The following MRC2 variants were observed in gnomAD, a reference collection of about 807,000 sequenced individuals.
MRC2 encodes C-type mannose receptor 2.
A neutral mutation model predicts 206.2 loss-of-function variants in MRC2; 84 were observed. That is an observed-to-expected ratio of 0.41 (90% CI 0.34 to 0.49). The LOEUF is 0.49. MRC2 is among the 20% of genes least tolerant of loss of function. The pLI is 0.31. For missense variants in MRC2, 1,676 were observed against 2,001.5 expected (o/e 0.84, Z 3.10); for synonymous variants, 798 against 800.0 (o/e 1.00, Z 0.04).
At chr17:62,673,237 GAGAC>G (rs1310264058) in intron 8 of MRC2, among the ~76,000 whole-genome samples, 1 of 152,174 alleles carries the variant, frequency 6.6e-6, no homozygotes, top group African/African-American at 2.4e-5. Flanking sequence ...ATGGAGCTTA[GAGAC>G]AGACATACTG....
At position 62,677,291 on chromosome 17, in the gene MRC2, G is replaced by A; in HGVS notation, c.1857G>A (p.Val619=). The A allele has an allele frequency of 1.2e-6, 2 of 1,604,196 alleles. No individual in the cohort carries two copies. The highest frequency in any genetic ancestry group is 1.7e-6 in the Non-Finnish European group (2 of 1,175,932). Residue 619 remains valine (V), a synonymous_variant, in exon 12 of 30, where the codon GTG becomes GTA. Coordinates refer to ENST00000303375, the MANE Select transcript of MRC2 (RefSeq NM_006039.5). ...DQPGYSRGGC[V]ALATGSAMGL... ...CAGGGTACAGCCGTGGGGGCTGCGTGGCGCTGGCCACTGGCAGCGCCATGG... is the reference window on the plus strand; with the variant it reads ...CAGGGTACAGCCGTGGGGGCTGCGTAGCGCTGGCCACTGGCAGCGCCATGG...
In MRC2 at chr17:62,666,882, G is replaced by A. The variant is rs781373094; in HGVS notation, c.973+12G>A. ...CAACTGGGAGAGTGGTGAGGCACAAGGTTGGGGGCGCAGGGCAGCATAGGG... is the reference window on the plus strand; with the variant it reads ...CAACTGGGAGAGTGGTGAGGCACAAAGTTGGGGGCGCAGGGCAGCATAGGG... On this transcript the variant is annotated intron_variant, in intron 5 of 29. Coordinates refer to ENST00000303375, the MANE Select transcript of MRC2 (RefSeq NM_006039.5). The surrounding 1 kb of genome is among the most constrained non-coding windows in gnomAD (Gnocchi z 5.0). 9.9e-6 allele frequency: 16 copies of A among 1,611,462 alleles called. No homozygotes were observed. In the East Asian group the frequency reaches 2.7e-4, roughly 27 times the overall value.
intron 1 of MRC2, among the ~76,000 whole-genome samples, chr17:62,628,385 G>T (rs1394255497): frequency 1.3e-5 from 2 of 152,138 alleles, no homozygotes; most frequent in African/African-American, 2.4e-5. Context: ...AACTATCCGC[G>T]AGGGTTCGTT....
Position 62,678,667 on chromosome 17 carries a change from G to A in MRC2, c.2195+21G>A, listed in dbSNP as rs779103338. ...TTCGGGTACTGAGCCGGGCTGAGGCGTGTTAGGAGGGCACCCGCACACGTG... is the reference window on the plus strand; with the variant it reads ...TTCGGGTACTGAGCCGGGCTGAGGCATGTTAGGAGGGCACCCGCACACGTG... On this transcript the variant is annotated intron_variant, in intron 13 of 29. Coordinates refer to ENST00000303375, the MANE Select transcript of MRC2 (RefSeq NM_006039.5). 13 of 1,601,162 alleles carry A rather than the reference G, an allele frequency of 8.1e-6. No individual in the cohort carries two copies. In the Middle Eastern group the frequency reaches 6.6e-4, roughly 82 times the overall value.
At chr17:62,644,445 C>T (rs527579969) in intron 1 of MRC2, among the ~76,000 whole-genome samples, 2 of 152,124 alleles carry the variant, frequency 1.3e-5, no homozygotes, top group Non-Finnish European at 2.9e-5. Context: ...TGTCTGGAGG[C>T]GGGATGCCGT....
At chr17:62,655,984 G>A (rs1196336600) in intron 1 of MRC2, among the ~76,000 whole-genome samples, 1 of 152,012 alleles carries the variant, frequency 6.6e-6, no homozygotes, top group African/African-American at 2.4e-5. Flanking sequence ...CAGACTCCTC[G>A]GCTCAGTTAT....
At chr17:62,646,596 G>A (rs2088489004) in intron 1 of MRC2, among the ~76,000 whole-genome samples, 5 of 152,238 alleles carry the variant, frequency 3.3e-5, no homozygotes, top group African/African-American at 9.6e-5. Context: ...TCATGCCTCT[G>A]AAGGCACCCA....
intron 1 of MRC2, among the ~76,000 whole-genome samples, chr17:62,654,166 G>T (rs908898392): frequency 6.6e-6 from 1 of 152,148 alleles, no homozygotes; most frequent in African/African-American, 2.4e-5. Context: ...GGGCAGTGAA[G>T]GGAGAGAGGC....
In MRC2 at chr17:62,633,907, A is replaced by G. The variant is rs565322416; in HGVS notation, c.118+5987A>G. Among the ~76,000 whole-genome samples the G allele has an allele frequency of 1.2e-3, 184 of 150,000 alleles. 1 individual carries two copies. The highest frequency in any genetic ancestry group is 4.4e-3 in the African/African-American group (179 of 40,660). On this transcript the variant is annotated intron_variant, in intron 1 of 29. Transcript: ENST00000303375. ...ATCCTAACTACAGCTGTCACCAGAA[A>G]GGAGGTCCAATCCAGACCCCAAGAG... is the stretch of plus-strand genomic sequence containing the variant.
chr17:62,635,445 G>A (rs1371430465), intron 1 of MRC2, among the ~76,000 whole-genome samples: 2 of 152,018 alleles, frequency 1.3e-5, no homozygotes, highest in Admixed American at 6.6e-5. Context: ...AGGATAAGGA[G>A]CTTCCTGGGA....
At position 62,680,828 on chromosome 17, in the gene MRC2, G is replaced by A. The variant is rs753357892; in HGVS notation, c.2502G>A (p.Glu834=). 5.1e-5 allele frequency: 82 copies of A among 1,612,338 alleles called. No homozygotes were observed. Among genetic ancestry groups the A allele is most frequent in the Non-Finnish European group, 6.4e-5 (76 of 1,179,656 alleles). Residue 834 remains glutamate (E), a synonymous_variant, in exon 17 of 30, where the codon GAG becomes GAA. Coordinates refer to ENST00000303375, the MANE Select transcript of MRC2 (RefSeq NM_006039.5). This position sits in a 1 kb window ranked among gnomAD's most constrained non-coding sequence, Gnocchi z 4.8. ...QGRREWLRFQ[E]AEYKFFEHHS... ...GACGGGAATGGCTGCGCTTCCAGGA[G>A]GCCGAGTACAAGTTCTTTGAGCACC...
chr17:62,663,775 G>C (rs2088708451), intron 1 of MRC2, among the ~76,000 whole-genome samples: 2 of 152,168 alleles, frequency 1.3e-5, no homozygotes, highest in Non-Finnish European at 2.9e-5. Flanking sequence ...CAGTGCAAGG[G>C]GCAGGGGGAA....
At chr17:62,653,740 G>A (rs528566252) in intron 1 of MRC2, among the ~76,000 whole-genome samples, 1 of 152,196 alleles carries the variant, frequency 6.6e-6, no homozygotes, top group African/African-American at 2.4e-5. Flanking sequence ...GGGGCTGTTG[G>A]GGAGGAGGGA....
At chr17:62,662,742 T>G (rs1598981126) in intron 1 of MRC2, among the ~76,000 whole-genome samples, 1 of 151,916 alleles carries the variant, frequency 6.6e-6, no homozygotes, top group South Asian at 2.1e-4. Context: ...AAATCTCATC[T>G]CTACTAAAAA....
At position 62,666,626 on chromosome 17, in the gene MRC2, C is replaced by T; in HGVS notation, c.859+7C>T. ...GAGCAGACCTACATCAACGGTGAGC[C>T]GGGGCCTGATGCCTGCTCGTGCCTC... is the stretch of plus-strand genomic sequence containing the variant. On this transcript the variant is annotated splice_region_variant and intron_variant, in intron 4 of 29. Transcript: ENST00000303375. The surrounding 1 kb of genome is among the most constrained non-coding windows in gnomAD (Gnocchi z 5.0). 1 of 1,487,738 alleles carries T rather than the reference C, an allele frequency of 6.7e-7. No individual in the cohort carries two copies. Among genetic ancestry groups the T allele is most frequent in the Non-Finnish European group, 9.0e-7 (1 of 1,106,856 alleles). 92.2% of individuals were successfully genotyped at this position (1,487,738 alleles called of 1,614,324 possible). A position where few individuals can be genotyped will look rare whatever the true frequency, so the allele number is the denominator to read the frequency against.
intron 28 of MRC2, among the ~76,000 whole-genome samples, 189 bp downstream of exon 28, chr17:62,691,317 A>G (rs79420957): frequency 0.033 from 4,994 of 152,284 alleles, 263 homozygotes; most frequent in African/African-American, 0.11. Context: ...GAAACTTATC[A>G]TCCAAACTAG....
chr17:62,683,376 G>A (rs1043706340), intron 20 of MRC2, among the ~76,000 whole-genome samples: 5 of 151,880 alleles, frequency 3.3e-5, no homozygotes, highest in African/African-American at 9.7e-5. Context: ...GATGAGGCAG[G>A]AGAATTGCTT....
At chr17:62,673,821 C>A (rs2088856707) in intron 8 of MRC2, among the ~76,000 whole-genome samples, 1 of 152,094 alleles carries the variant, frequency 6.6e-6, no homozygotes, top group African/African-American at 2.4e-5. Flanking sequence ...GGATGCCTTT[C>A]CCATTTAGAC....
At chr17:62,677,889 A>C (rs951171946) in intron 12 of MRC2, among the ~76,000 whole-genome samples, 13 of 151,940 alleles carry the variant, frequency 8.6e-5, no homozygotes, top group Non-Finnish European at 1.9e-4. Context: ...ATCTCTACTA[A>C]AATACAAAAA....
Sources: allele counts gnomAD v4.1 joint callset (sites outside exome capture counted in the v4.1 genomes callset), GRCh38; gene constraint gnomAD v4.1.1; non-coding constraint Gnocchi (gnomAD v3.1); transcripts MANE v1.5; gene names NCBI Gene and HGNC (gene_info 2026-07-23, HGNC 2026-07-21).